The following CDH22 variants were observed in gnomAD, a reference collection of about 807,000 sequenced individuals.
CDH22 encodes the protein cadherin 22.
CDH22 carries 30 observed loss-of-function variants against 58.4 expected under a neutral mutation model. The ratio of observed to expected loss-of-function variants is 0.51; its 90% CI spans 0.38 to 0.70. The LOEUF (loss-of-function observed/expected upper bound fraction) is 0.70. Ranked by LOEUF, CDH22 falls within the 30% of genes least tolerant of loss-of-function variation. The pLI is 0.00. For synonymous variants in CDH22, 513 were observed against 558.2 expected (o/e 0.92, Z 1.14); for missense variants, 1,014 against 1,233.9 (o/e 0.82, Z 2.67).
chr20:46,222,867 C>A lies in CDH22; in HGVS notation c.670+4641G>T, dbSNP rs553909810. 1.7e-3 allele frequency among the ~76,000 whole-genome samples: 256 copies of A among 152,388 alleles called. 1 individual carries two copies. Among genetic ancestry groups the A allele is most frequent in the South Asian group, 4.3e-3 (21 of 4,834 alleles). On this transcript the variant is annotated intron_variant, in intron 4 of 11. Coordinates refer to ENST00000537909, the MANE Select transcript of CDH22 (RefSeq NM_021248.3). ...CCTTCCCTCACACCTTCCTCCCAGG[C>A]CCCGTTCCGGCTCTGCTCCCTGCTA...
chr20:46,226,771 G>A (rs904335400), intron 4 of CDH22, among the ~76,000 whole-genome samples: 1 of 152,198 alleles, frequency 6.6e-6, no homozygotes, highest in Admixed American at 6.5e-5. Context: ...TATCCCAGGA[G>A]CAGTGAGAGC....
chr20:46,184,669 A>G (rs191690462), intron 10 of CDH22, among the ~76,000 whole-genome samples: 2 of 152,288 alleles, frequency 1.3e-5, no homozygotes, highest in African/African-American at 2.4e-5. Flanking sequence ...TTGTGTCTCA[A>G]TAAACACTCA....
At chr20:46,181,752 C>CTTTTTCTTTCTTTCT (rs1555800218) in intron 10 of CDH22, among the ~76,000 whole-genome samples, 1 of 26,272 alleles carries the variant, frequency 3.8e-5, no homozygotes, top group East Asian at 9.9e-4. Context: ...TCCTTCCTTC[C>CTTTTTCTTTCTTTCT]TTCTTTCTTT....
intron 4 of CDH22, among the ~76,000 whole-genome samples, chr20:46,221,285 T>C (rs1392808524): frequency 2.6e-5 from 4 of 151,294 alleles, no homozygotes; most frequent in East Asian, 3.9e-4. Context: ...TTTTTCTTTT[T>C]TTTTTTTTTT....
At chr20:46,223,649 C>CTT (rs1600703784) in intron 4 of CDH22, among the ~76,000 whole-genome samples, 2 of 148,396 alleles carry the variant, frequency 1.3e-5, no homozygotes, top group Admixed American at 6.7e-5. Flanking sequence ...TTCTTTCTTT[C>CTT]TCTTTCTTTT....
chr20:46,294,944 T>C (rs941250270), intron 1 of CDH22, among the ~76,000 whole-genome samples: 9 of 152,244 alleles, frequency 5.9e-5, no homozygotes, highest in African/African-American at 1.9e-4. Context: ...GAGCTGCCTG[T>C]GGCTGAGGAG....
intron 1 of CDH22, among the ~76,000 whole-genome samples, chr20:46,255,449 A>T (rs1021405625): frequency 1.3e-5 from 2 of 152,166 alleles, no homozygotes; most frequent in African/African-American, 2.4e-5. Context: ...GAAAAAATGC[A>T]CCTCTAGGTG....
Position 46,173,925 on chromosome 20 carries a change from G to A in CDH22, c.*581C>T, listed in dbSNP as rs927026572. 3 of 152,630 alleles carry A rather than the reference G, an allele frequency of 2.0e-5. No homozygotes were observed. The highest frequency in any genetic ancestry group is 7.2e-5 in the African/African-American group (3 of 41,456). 9.5% of individuals were successfully genotyped at this position (152,630 alleles called of 1,614,324 possible). A position where few individuals can be genotyped will look rare whatever the true frequency, so the allele number is the denominator to read the frequency against. On this transcript the variant is annotated 3_prime_UTR_variant, in exon 12 of 12. Transcript: ENST00000537909. ...TGACTTGCCCGAGGCCAGGCAGCTG[G>A]TCAGTGCCAGAGGCTCTGCCATTCA...
intron 10 of CDH22, among the ~76,000 whole-genome samples, chr20:46,185,756 T>A (rs148848005): frequency 6.6e-6 from 1 of 152,188 alleles, no homozygotes; most frequent in African/African-American, 2.4e-5. Context: ...TAGTGCCAGC[T>A]ACTCAGGAGG....
chr20:46,209,729 G>A (rs2086026024), intron 7 of CDH22: 1 of 152,302 alleles, frequency 6.6e-6, no homozygotes, highest in African/African-American at 2.4e-5. Context: ...ATGAGAGAAT[G>A]AGAGGAGGCA....
intron 1 of CDH22, among the ~76,000 whole-genome samples, chr20:46,272,254 C>T (rs543919413): frequency 1.6e-4 from 25 of 152,238 alleles, no homozygotes; most frequent in Admixed American, 1.3e-4. Context: ...ATACTTACTA[C>T]GATGGAGCAA....
At chr20:46,306,346 A>C (rs1568688061) in intron 1 of CDH22, among the ~76,000 whole-genome samples, 1 of 152,216 alleles carries the variant, frequency 6.6e-6, no homozygotes, top group Non-Finnish European at 1.5e-5. Flanking sequence ...ATCCTTGAAA[A>C]TGGAAAAGAG....
At chr20:46,236,006 C>T (rs2086248994) in intron 3 of CDH22, among the ~76,000 whole-genome samples, 1 of 152,160 alleles carries the variant, frequency 6.6e-6, no homozygotes, top group African/African-American at 2.4e-5. Context: ...CAGATATTCT[C>T]CCACTCACTC....
At chr20:46,239,781 A>G (rs2086277561) in intron 3 of CDH22, among the ~76,000 whole-genome samples, 1 of 152,054 alleles carries the variant, frequency 6.6e-6, no homozygotes, top group Non-Finnish European at 1.5e-5. Context: ...CCCTCACCCC[A>G]TGACTCCCGT....
Position 46,295,877 on chromosome 20 carries a change from C to T in CDH22, c.-400+12378G>A, listed in dbSNP as rs1350941172. ...TCCAGGGCTCAAGCGATCCTCCTATCTCAGCCTCTGAAGTAACTGGGATTA... is the reference window on the plus strand; with the variant it reads ...TCCAGGGCTCAAGCGATCCTCCTATTTCAGCCTCTGAAGTAACTGGGATTA... On this transcript the variant is annotated intron_variant, in intron 1 of 11. Transcript: ENST00000537909. Among the ~76,000 whole-genome samples, 9 of 152,368 alleles carry T rather than the reference C, an allele frequency of 5.9e-5. No individual in the cohort carries two copies. In the East Asian group the frequency reaches 1.7e-3, roughly 29 times the overall value.
chr20:46,183,137 A>G (rs1447161531), intron 10 of CDH22, among the ~76,000 whole-genome samples: 1 of 152,190 alleles, frequency 6.6e-6, no homozygotes, highest in Non-Finnish European at 1.5e-5. Flanking sequence ...CCTGCTCAGG[A>G]TACTACTGGA....
intron 1 of CDH22, among the ~76,000 whole-genome samples, chr20:46,303,852 G>A (rs116855153): frequency 0.018 from 2,676 of 152,280 alleles, 31 homozygotes; most frequent in East Asian, 0.027. Context: ...AATCAAGCCA[G>A]TGACACGATC....
At chr20:46,298,483 G>A (rs575834504) in intron 1 of CDH22, among the ~76,000 whole-genome samples, 4 of 152,172 alleles carry the variant, frequency 2.6e-5, no homozygotes, top group Non-Finnish European at 5.9e-5. Flanking sequence ...GTAAGAAGAC[G>A]GAAAGAAAGG....
chr20:46,175,115 C>T, intron 11 of CDH22, 38 bp from the exon 12 acceptor site: 1 of 1,561,940 alleles, frequency 6.4e-7, no homozygotes, highest in South Asian at 1.2e-5. Context: ...AGGGCCAAGC[C>T]CCTCCCAGGG....
Sources: gnomAD v4.1 joint callset for allele counts (sites outside exome capture counted in the v4.1 genomes callset) on GRCh38, gnomAD v4.1.1 for gene constraint, MANE v1.5 for transcripts, NCBI Gene and HGNC (gene_info 2026-07-23, HGNC 2026-07-21) for gene names.